The following N4BP2L2 variants were observed in gnomAD, a reference collection of about 807,000 sequenced individuals.
N4BP2L2 encodes NEDD4-binding protein 2-like 2.
A neutral mutation model predicts 56.2 loss-of-function variants in N4BP2L2; 50 were observed. That is an observed-to-expected ratio of 0.89 (90% CI 0.71 to 1.13). N4BP2L2 has a LOEUF of 1.13. N4BP2L2 is among the 50% of genes most tolerant of loss of function. The probability of loss-of-function intolerance (pLI) is 0.00; values close to 1 mark genes in which losing one functional copy is unlikely to be tolerated. For synonymous variants in N4BP2L2, 203 were observed against 223.6 expected, an observed-to-expected ratio of 0.91 and a Z score of 0.82; for missense variants, 689 against 693.8, an observed-to-expected ratio of 0.99 and a Z score of 0.08.
intron 6 of N4BP2L2, among the ~76,000 whole-genome samples, chr13:32,453,782 A>G (rs1436059831): frequency 6.6e-6 from 1 of 152,232 alleles, no homozygotes; most frequent in Non-Finnish European, 1.5e-5. Context: ...CCTTCTTCTC[A>G]AAGAACTGTG....
chr13:32,533,726 C>T (rs2055692319), intron 2 of N4BP2L2, among the ~76,000 whole-genome samples: 1 of 152,022 alleles, frequency 6.6e-6, no homozygotes, highest in South Asian at 2.1e-4. Context: ...AGGTGTGAGC[C>T]ATCATGCCCA....
chr13:32,523,594 G>T (rs1177596979), intron 3 of N4BP2L2: 1 of 135,604 alleles, frequency 7.4e-6, no homozygotes, highest in Non-Finnish European at 1.5e-5. Context: ...CTGAGCAAGA[G>T]AACTGCTTAA....
At chr13:32,433,496 T>C (rs938466552) in intron 9 of N4BP2L2, among the ~76,000 whole-genome samples, 2 of 150,776 alleles carry the variant, frequency 1.3e-5, no homozygotes, top group Non-Finnish European at 2.9e-5. Context: ...ATTAGCTGGG[T>C]GTTGTGGCGG....
chr13:32,471,304 G>A (rs771237599), intron 6 of N4BP2L2, among the ~76,000 whole-genome samples: 3 of 152,126 alleles, frequency 2.0e-5, no homozygotes, highest in Admixed American at 1.3e-4. Flanking sequence ...AGGGTGAAAT[G>A]TAAGGTATAT....
At chr13:32,492,274 T>A (rs867249573) in intron 6 of N4BP2L2, among the ~76,000 whole-genome samples, 10 of 13,134 alleles carry the variant, frequency 7.6e-4, no homozygotes, top group African/African-American at 3.2e-3. Flanking sequence ...AACACCAAAA[T>A]TTTTTTTTTT....
chr13:32,531,577 C>G (rs1566187584), intron 2 of N4BP2L2, among the ~76,000 whole-genome samples: 1 of 152,104 alleles, frequency 6.6e-6, no homozygotes, highest in Non-Finnish European at 1.5e-5. Context: ...GACTACTTTA[C>G]TGGGGTAATT....
At chr13:32,505,565 G>A (rs907783192), downstream of N4BP2L2, 7 of 152,138 alleles carry the variant, frequency 4.6e-5, no homozygotes, top group Non-Finnish European at 8.8e-5. Flanking sequence ...GAAGAAACCA[G>A]GCCATATCTT....
intron 6 of N4BP2L2, chr13:32,478,267 C>A: frequency 3.4e-6 from 1 of 297,682 alleles, no homozygotes; most frequent in South Asian, 3.4e-5. Context: ...CTTCTTCCAT[C>A]CTAGAGTCCT....
intron 6 of N4BP2L2, among the ~76,000 whole-genome samples, chr13:32,462,467 C>T (rs74557752): frequency 0.052 from 7,920 of 151,602 alleles, 679 homozygotes; most frequent in African/African-American, 0.18. Context: ...GTGGGTGGGG[C>T]GTGGAATGGA....
chr13:32,454,530 G>GA (rs1161968291), intron 6 of N4BP2L2, among the ~76,000 whole-genome samples: 1 of 151,628 alleles, frequency 6.6e-6, no homozygotes, highest in African/African-American at 2.4e-5. Context: ...CTATACACAG[G>GA]AAAAAAAGAA....
chr13:32,450,501 T>C (rs568881982), intron 6 of N4BP2L2, among the ~76,000 whole-genome samples: 1 of 152,154 alleles, frequency 6.6e-6, no homozygotes, highest in East Asian at 1.9e-4. Context: ...ATTTTTTGTA[T>C]TTTTAGTAGA....
chr13:32,519,764 C>T (rs1333594161), intron 5 of N4BP2L2, among the ~76,000 whole-genome samples: 1 of 151,982 alleles, frequency 6.6e-6, no homozygotes, highest in East Asian at 1.9e-4. Context: ...CCACAAGATG[C>T]CAATATTTAT....
At chr13:32,529,942 T>A (rs942206652) in intron 2 of N4BP2L2, among the ~76,000 whole-genome samples, 2 of 152,156 alleles carry the variant, frequency 1.3e-5, no homozygotes, top group Non-Finnish European at 2.9e-5. Flanking sequence ...GCCAGGCTAG[T>A]CTTGAACTCC....
chr13:32,534,859 AT>A (rs1455310443), intron 2 of N4BP2L2, among the ~76,000 whole-genome samples: 1 of 152,182 alleles, frequency 6.6e-6, no homozygotes, highest in African/African-American at 2.4e-5. Flanking sequence ...ACTCAAGATA[AT>A]TTGTACTGCT....
At chr13:32,447,069 C>G (rs1333764157) in intron 6 of N4BP2L2, among the ~76,000 whole-genome samples, 2 of 152,130 alleles carry the variant, frequency 1.3e-5, no homozygotes, top group African/African-American at 4.8e-5. Context: ...CTCTCTTTTT[C>G]TTCCTCCTCT....
chr13:32,444,083 T>G, exon 7 of N4BP2L2: 12 of 1,572,056 alleles, frequency 7.6e-6, no homozygotes, highest in Non-Finnish European at 1.0e-5. Context: ...CTCTTCTGTT[T>G]GGTTTTGCTG....
chr13:32,493,048 G>A (rs1013589748), intron 6 of N4BP2L2, among the ~76,000 whole-genome samples: 4 of 147,886 alleles, frequency 2.7e-5, no homozygotes, highest in African/African-American at 1.0e-4. Flanking sequence ...TCACCCTCCC[G>A]AGTAGCTGGG....
At chr13:32,434,318 G>A (rs915541353) in intron 9 of N4BP2L2, among the ~76,000 whole-genome samples, 4 of 144,130 alleles carry the variant, frequency 2.8e-5, no homozygotes, top group African/African-American at 7.8e-5. Context: ...GGCTGGTCTC[G>A]AACTCCTGAG....
chr13:32,536,850 T>C lies in N4BP2L2; in HGVS notation c.178A>G (p.Ile60Val), dbSNP rs768180217. ...AAATAACTATGTCCTCTGACATCAA[T>C]GATGGTCACAGGGACCCAATCATTT... The change falls in exon 2 of 6, where the codon ATT (isoleucine) becomes GTT (valine). Residue 60 changes from isoleucine (I) to valine (V), a missense_variant. Coordinates refer to ENST00000267068, the Ensembl canonical transcript of N4BP2L2. 15 of 1,614,030 alleles carry C rather than the reference T, an allele frequency of 9.3e-6. No individual in the cohort carries two copies. In the South Asian group the frequency reaches 1.5e-4, roughly 17 times the overall value.
Sources: gnomAD v4.1 joint callset for allele counts (sites outside exome capture counted in the v4.1 genomes callset) on GRCh38, gnomAD v4.1.1 for gene constraint, MANE v1.5 for transcripts, NCBI Gene and HGNC (gene_info 2026-07-23, HGNC 2026-07-21) for gene names.